The following MANBA variants were observed in gnomAD, a reference collection of about 807,000 sequenced individuals.
The protein encoded by MANBA is mannosidase beta, also known as beta-mannosidase.
Under a neutral mutation model 111.1 loss-of-function variants are expected in MANBA, and 83 were observed. That is an observed-to-expected ratio of 0.75 (90% CI 0.63 to 0.90). The LOEUF (loss-of-function observed/expected upper bound fraction) is 0.90, where lower values mean the gene tolerates loss of function less well. Ranked by LOEUF, MANBA falls within the 40% of genes least tolerant of loss-of-function variation. MANBA has a pLI of 0.00. For synonymous variants in MANBA, 370 were observed against 378.7 expected (o/e 0.98, Z 0.27); for missense variants, 1,036 against 1,069.0 (o/e 0.97, Z 0.43).
chr4:102,750,317 T>A (rs1045182943), intron 1 of MANBA, among the ~76,000 whole-genome samples: 14 of 152,242 alleles, frequency 9.2e-5, no homozygotes, highest in Middle Eastern at 3.4e-3. Flanking sequence ...TTAGTTTTTT[T>A]TTTATTTAAA....
chr4:102,726,675 G>A lies in MANBA; in HGVS notation c.186C>T (p.Tyr62=). 1.3e-6 allele frequency: 2 copies of A among 1,513,964 alleles called. No homozygotes were observed. The highest frequency in any genetic ancestry group is 1.8e-6 in the Non-Finnish European group (2 of 1,089,642). 93.8% of individuals were successfully genotyped at this position (1,513,964 alleles called of 1,614,324 possible). Residue 62 remains tyrosine (Y), a synonymous_variant, in exon 2 of 17, where the codon TAC becomes TAT. Coordinates refer to ENST00000647097, the MANE Select transcript of MANBA (RefSeq NM_005908.4). ...TGTAGTTAAGGTCATTAAATCTGTA[G>A]TAAGAATCCTGTTGATACAAGGTAA... ...LFQQGLIQDS[Y]YRFNDLNYRW...
chr4:102,681,810 A>T (rs560500924), intron 7 of MANBA, among the ~76,000 whole-genome samples: 2 of 152,230 alleles, frequency 1.3e-5, no homozygotes, highest in Non-Finnish European at 2.9e-5. Flanking sequence ...AAATGACTGT[A>T]TGAAGCTGAA....
At chr4:102,754,002 CA>C (rs35420022) in intron 1 of MANBA, 68,601 of 175,956 alleles carry the variant, frequency 0.39, 6,411 homozygotes, top group African/African-American at 0.58. Context: ...GACTCTGTCT[CA>C]AAAAAAAAAA....
At chr4:102,706,541 G>T (rs572367660) in intron 5 of MANBA, among the ~76,000 whole-genome samples, 52 of 152,070 alleles carry the variant, frequency 3.4e-4, no homozygotes, top group Non-Finnish European at 6.5e-4. Context: ...GAGGACACAA[G>T]AAACATGCAA....
intron 15 of MANBA, among the ~76,000 whole-genome samples, chr4:102,635,279 G>A (rs939351543): frequency 3.3e-5 from 5 of 152,132 alleles, no homozygotes; most frequent in Admixed American, 1.3e-4. Flanking sequence ...AGGCTGTTGT[G>A]AGAATTTAAA....
At chr4:102,746,186 C>G (rs1723578972) in intron 1 of MANBA, among the ~76,000 whole-genome samples, 1 of 152,174 alleles carries the variant, frequency 6.6e-6, no homozygotes, top group Non-Finnish European at 1.5e-5. Flanking sequence ...CTCAGTGTCC[C>G]CAGCTTCATT....
chr4:102,690,812 TAATATGCTAAGCATTATCACTGC>T, intron 5 of MANBA, 41 bp from the exon 6 acceptor site: 2 of 737,954 alleles, frequency 2.7e-6, no homozygotes, highest in Non-Finnish European at 3.7e-6. Flanking sequence ...TATATATATA[TAATATGCTAAGCATTATCACTGC>T]ATTTCTCAGG....
At position 102,671,354 on chromosome 4, in the gene MANBA, G is replaced by T; in HGVS notation, c.1157C>A (p.Thr386Asn). The change falls in exon 9 of 17, where the codon ACT becomes AAT. Residue 386 changes from threonine to asparagine, a missense_variant. Transcript: ENST00000647097. ...AATTCCTCCTCCCCAAACCCGAAGAGTATTCATATTAGCATCCACAACAGA... is the reference window on the plus strand; with the variant it reads ...AATTCCTCCTCCCCAAACCCGAAGATTATTCATATTAGCATCCACAACAGA... The part of the protein sequence containing the change: ...LQSVVDANMN[T>N]LRVWGGGIYE... 6.2e-7 allele frequency: 1 copy of T among 1,608,744 alleles called. No individual in the cohort carries two copies.
At position 102,686,994 on chromosome 4, in the gene MANBA, C is replaced by G. The variant is rs1416558252; in HGVS notation, c.960+2580G>C. The stretch of plus-strand genomic sequence containing the variant: ...ATTCCTTGGGTGTCTCTCAATCACC[C>G]CACACAAAACACATCTAACACTGAA... On this transcript the variant is annotated intron_variant, in intron 7 of 16. Coordinates refer to ENST00000647097, the MANE Select transcript of MANBA (RefSeq NM_005908.4). 2.0e-5 allele frequency among the ~76,000 whole-genome samples: 3 copies of G among 152,256 alleles called. No individual in the cohort carries two copies. The East Asian group carries it at 5.8e-4, about 29-fold the overall frequency.
Position 102,689,680 on chromosome 4 carries a change from A to C in MANBA, c.854T>G (p.Ile285Ser). ...ATGAGGCCACCAAGTTTCTACAGTA[A>C]TATTCTTTTAAGAAAATTTAAAAGT... ...VELFVNISKN[I>S]TVETWWPHGH... is the part of the protein sequence containing the mutation. Residue 285 changes from isoleucine (I) to serine (S), a missense_variant, in exon 7 of 17, where the codon ATT becomes AGT. Transcript: ENST00000647097. 1.9e-6 allele frequency: 3 copies of C among 1,566,306 alleles called. No homozygotes were observed. Among genetic ancestry groups the C allele is most frequent in the Non-Finnish European group, 2.6e-6 (3 of 1,136,892 alleles).
chr4:102,647,548 G>C (rs1289290872), intron 13 of MANBA, among the ~76,000 whole-genome samples: 1 of 151,640 alleles, frequency 6.6e-6, no homozygotes, highest in Admixed American at 6.6e-5. Context: ...AACAATAGCA[G>C]AAAAGTCTCT....
At chr4:102,702,581 G>A (rs1012785653) in intron 5 of MANBA, among the ~76,000 whole-genome samples, 3 of 152,126 alleles carry the variant, frequency 2.0e-5, no homozygotes, top group African/African-American at 7.2e-5. Flanking sequence ...TAACAGACAG[G>A]ACCCTCAGCT....
chr4:102,678,577 A>C (rs1731823435), intron 7 of MANBA, among the ~76,000 whole-genome samples: 1 of 152,230 alleles, frequency 6.6e-6, no homozygotes, highest in South Asian at 2.1e-4. Context: ...ATAAATACCT[A>C]AGAAACTAAA....
chr4:102,734,641 G>A (rs1210718254), intron 1 of MANBA: 6 of 1,502,742 alleles, frequency 4.0e-6, no homozygotes, highest in Middle Eastern at 3.4e-4. Flanking sequence ...GAGCCAGACA[G>A]GCAGGGAGAG....
intron 10 of MANBA, chr4:102,665,115 CT>C: frequency 5.1e-6 from 2 of 389,768 alleles, no homozygotes; most frequent in Non-Finnish European, 4.7e-6. Context: ...AATATAATCC[CT>C]TTTTTAGAAA....
chr4:102,705,704 T>C (rs1733266418), intron 5 of MANBA, among the ~76,000 whole-genome samples: 1 of 152,148 alleles, frequency 6.6e-6, no homozygotes, highest in Admixed American at 6.5e-5. Context: ...TATCATCCTA[T>C]GCCTGCCTAC....
At chr4:102,714,658 A>G in intron 4 of MANBA, 97 bp from the exon 5 acceptor site, 3 of 1,234,704 alleles carry the variant, frequency 2.4e-6, no homozygotes, top group Non-Finnish European at 3.5e-6. Context: ...ATATGTGTAT[A>G]TAAGTTTGCT....
chr4:102,748,413 A>G (rs1723663157), intron 1 of MANBA, among the ~76,000 whole-genome samples: 1 of 152,172 alleles, frequency 6.6e-6, no homozygotes, highest in African/African-American at 2.4e-5. Context: ...AAGTTAAAGA[A>G]AAAGGTCAAT....
intron 7 of MANBA, among the ~76,000 whole-genome samples, chr4:102,684,651 C>T (rs911591246): frequency 1.3e-5 from 2 of 152,194 alleles, no homozygotes; most frequent in Admixed American, 1.3e-4. Context: ...CCCTTATCTG[C>T]AGGGGATACG....
Sources: allele counts gnomAD v4.1 joint callset (sites outside exome capture counted in the v4.1 genomes callset), GRCh38; gene constraint gnomAD v4.1.1; transcripts MANE v1.5; gene names NCBI Gene and HGNC (gene_info 2026-07-23, HGNC 2026-07-21).